The following ZNF682 variants were observed in gnomAD, a reference collection of about 807,000 sequenced individuals.
ZNF682 encodes the protein zinc finger protein 682.
In ZNF682, 29 loss-of-function variants were observed where a neutral mutation model predicts 36.5. That is an observed-to-expected ratio of 0.80 (90% confidence interval 0.59 to 1.08). The LOEUF (loss-of-function observed/expected upper bound fraction) is 1.08. Ranked by LOEUF, ZNF682 falls within the 50% of genes least tolerant of loss-of-function variation. The probability of loss-of-function intolerance (pLI) is 0.00; values close to 1 mark genes in which losing one functional copy is unlikely to be tolerated. For missense variants in ZNF682, 561 were observed against 579.7 expected, an observed-to-expected ratio of 0.97 and a Z score of 0.33; for synonymous variants, 180 against 197.0, an observed-to-expected ratio of 0.91 and a Z score of 0.72.
rs1212062765 is a variant in ZNF682 at position 20,007,051 on chromosome 19, C to T, written c.451G>A (p.Val151Met). 6.2e-7 allele frequency: 1 copy of T among 1,613,556 alleles called. No individual in the cohort carries two copies. Among genetic ancestry groups the T allele is most frequent in the Non-Finnish European group, 8.5e-7 (1 of 1,179,862 alleles). Residue 151 changes from valine (V) to methionine (M), a missense_variant, in exon 4 of 4, where the codon GTG becomes ATG. Physicochemically the swap from Val to Met is conservative, Grantham distance 21. Coordinates refer to ENST00000397165, the MANE Select transcript of ZNF682 (RefSeq NM_033196.3). ...TTTGATGATTTACTAAAGACTTTCACACATTTATTATATGGGAAAATTTTG... is the reference window on the plus strand; with the variant it reads ...TTTGATGATTTACTAAAGACTTTCATACATTTATTATATGGGAAAATTTTG... ...PSKIFPYNKC[V>M]KVFSKSSNLN...
intron 1 of ZNF682, among the ~76,000 whole-genome samples, chr19:20,028,039 A>C (rs2088447341): frequency 1.3e-5 from 2 of 152,218 alleles, no homozygotes; most frequent in Non-Finnish European, 2.9e-5. Flanking sequence ...GCTTCCACCC[A>C]GGCCAACATA....
chr19:20,031,364 A>C (rs190770635), intron 1 of ZNF682, among the ~76,000 whole-genome samples: 1 of 152,322 alleles, frequency 6.6e-6, no homozygotes, highest in African/African-American at 2.4e-5. Flanking sequence ...CTCTCACACA[A>C]CTGCAGCAGG....
chr19:20,013,177 A>C (rs914106780), intron 3 of ZNF682, among the ~76,000 whole-genome samples: 49 of 152,246 alleles, frequency 3.2e-4, no homozygotes, highest in Admixed American at 6.5e-4. Context: ...TACATAAGGC[A>C]AACTACATTT....
At chr19:20,018,845 A>G (rs2088360454) in intron 3 of ZNF682, among the ~76,000 whole-genome samples, 1 of 152,212 alleles carries the variant, frequency 6.6e-6, no homozygotes, top group South Asian at 2.1e-4. Flanking sequence ...CAAGAATTTG[A>G]TGTCATTTTC....
chr19:20,016,529 T>C (rs905058836), intron 3 of ZNF682, among the ~76,000 whole-genome samples: 3 of 151,890 alleles, frequency 2.0e-5, no homozygotes, highest in Admixed American at 6.6e-5. Flanking sequence ...AAAACAAAAA[T>C]TGTGGAACTG....
chr19:20,009,332 A>C (rs1021916608), intron 3 of ZNF682, among the ~76,000 whole-genome samples: 23 of 152,346 alleles, frequency 1.5e-4, no homozygotes, highest in Admixed American at 9.8e-4. Flanking sequence ...TAAAGAAAAA[A>C]GAATTCACTA....
downstream of ZNF682, among the ~76,000 whole-genome samples, chr19:20,001,418 A>G (rs2088167647): frequency 6.6e-6 from 1 of 152,218 alleles, no homozygotes; most frequent in Admixed American, 6.5e-5. Context: ...TGATCCCCAT[A>G]TCCCATCAGG....
intron 1 of ZNF682, among the ~76,000 whole-genome samples, chr19:20,037,076 G>A (rs2088537273): frequency 6.6e-6 from 1 of 152,162 alleles, no homozygotes; most frequent in Non-Finnish European, 1.5e-5. Context: ...ATTTTCAAGT[G>A]GGGGAATGAA....
downstream of ZNF682, among the ~76,000 whole-genome samples, chr19:19,996,374 C>G (rs1269875899): frequency 1.3e-5 from 2 of 152,212 alleles, no homozygotes; most frequent in Non-Finnish European, 2.9e-5. Flanking sequence ...GAAAAAGACA[C>G]TTGCACATGC....
intron 3 of ZNF682, among the ~76,000 whole-genome samples, chr19:20,017,731 C>G (rs2088347051): frequency 6.6e-6 from 1 of 152,044 alleles, no homozygotes; most frequent in Admixed American, 6.6e-5. Flanking sequence ...ACAGAACGTT[C>G]CAGTTAAAAG....
At chr19:20,031,787 A>G (rs1399556642) in intron 1 of ZNF682, among the ~76,000 whole-genome samples, 2 of 152,086 alleles carry the variant, frequency 1.3e-5, no homozygotes, top group Non-Finnish European at 2.9e-5. Context: ...CTAAAAATAC[A>G]AAAAATTAGC....
intron 3 of ZNF682, among the ~76,000 whole-genome samples, chr19:20,014,673 AGGAGGCTG>A (rs1194097426): frequency 1.3e-5 from 2 of 151,418 alleles, no homozygotes. Context: ...CCAGCTACTC[AGGAGGCTG>A]AGGCAGGGGA....
intron 1 of ZNF682, among the ~76,000 whole-genome samples, chr19:20,028,152 A>C (rs1253689605): frequency 6.6e-6 from 1 of 152,192 alleles, no homozygotes; most frequent in Non-Finnish European, 1.5e-5. Flanking sequence ...ATTGCCTCTT[A>C]AACTTTAATA....
chr19:20,000,608 A>G (rs565647980), downstream of ZNF682, among the ~76,000 whole-genome samples: 8 of 152,290 alleles, frequency 5.3e-5, no homozygotes, highest in South Asian at 1.7e-3. Flanking sequence ...TTTCATACCC[A>G]GGTCATGGCT....
chr19:19,996,578 G>A (rs1035063), downstream of ZNF682, among the ~76,000 whole-genome samples: 9,629 of 152,194 alleles, frequency 0.063, 508 homozygotes, highest in East Asian at 0.2. Flanking sequence ...AAGTAACTCA[G>A]AAATGATAAA....
At chr19:20,000,504 C>G (rs1015885756), downstream of ZNF682, among the ~76,000 whole-genome samples, 2 of 152,224 alleles carry the variant, frequency 1.3e-5, no homozygotes, top group African/African-American at 2.4e-5. Flanking sequence ...CACCACCCCC[C>G]ACTGCCATGT....
At chr19:20,028,056 CGA>C (rs1351284755) in intron 1 of ZNF682, among the ~76,000 whole-genome samples, 67 of 152,128 alleles carry the variant, frequency 4.4e-4, no homozygotes, top group South Asian at 2.1e-4. Context: ...CATAATCCGT[CGA>C]GAGGACACAG....
chr19:20,039,044 G>T, intron 1 of ZNF682: 1 of 978,572 alleles, frequency 1.0e-6, no homozygotes, highest in Non-Finnish European at 1.4e-6. Flanking sequence ...TCTGCCCTGA[G>T]GACGCTTCCA....
chr19:19,999,510 A>G (rs258578), downstream of ZNF682, among the ~76,000 whole-genome samples: 77,366 of 151,670 alleles, frequency 0.51, 20,278 homozygotes, highest in East Asian at 0.71. Context: ...GACCCAAATT[A>G]TCATTGCATG....
Sources: allele counts gnomAD v4.1 joint callset (sites outside exome capture counted in the v4.1 genomes callset), GRCh38; gene constraint gnomAD v4.1.1; transcripts MANE v1.5; gene names NCBI Gene and HGNC (gene_info 2026-07-23, HGNC 2026-07-21).